The following TMEM132D variants were observed in gnomAD, a reference collection of about 807,000 sequenced individuals.
The protein encoded by TMEM132D is transmembrane protein 132D, also known as mature OL transmembrane protein.
A neutral mutation model predicts 62.3 loss-of-function variants in TMEM132D; 21 were observed. The observed-to-expected ratio is 0.34, with a 90% confidence interval of 0.24 to 0.49. The LOEUF is 0.49. Among genes scored for constraint, TMEM132D ranks in the 20% least tolerant of loss-of-function variants. TMEM132D has a pLI of 0.99. For missense variants in TMEM132D, 1,346 were observed against 1,402.8 expected, an observed-to-expected ratio of 0.96 and a Z score of 0.65; for synonymous variants, 621 against 575.6, an observed-to-expected ratio of 1.08 and a Z score of -1.13.
At chr12:129,617,973 T>C (rs1319231624) in intron 2 of TMEM132D, among the ~76,000 whole-genome samples, 2 of 152,202 alleles carry the variant, frequency 1.3e-5, no homozygotes, top group Non-Finnish European at 2.9e-5. Flanking sequence ...TGGTACCTCG[T>C]AGCTCTGTGG....
intron 3 of TMEM132D, among the ~76,000 whole-genome samples, chr12:129,512,428 C>G (rs917975522): frequency 6.6e-6 from 1 of 152,090 alleles, no homozygotes; most frequent in African/African-American, 2.4e-5. Context: ...AGAGACGAGC[C>G]CTTCTTAGAA....
At chr12:129,471,407 G>A (rs897231905) in intron 3 of TMEM132D, among the ~76,000 whole-genome samples, 11 of 151,810 alleles carry the variant, frequency 7.2e-5, no homozygotes, top group Non-Finnish European at 1.3e-4. Context: ...ATTCTTTGGG[G>A]GCACTATGAA....
intron 1 of TMEM132D, among the ~76,000 whole-genome samples, chr12:129,750,807 TTGAAGTA>T: frequency 6.6e-6 from 1 of 152,074 alleles, no homozygotes; most frequent in Non-Finnish European, 1.5e-5. Flanking sequence ...AATGTATATT[TTGAAGTA>T]GCTAGAAGAG....
At chr12:129,229,373 C>A (rs1261243176) in intron 4 of TMEM132D, among the ~76,000 whole-genome samples, 4 of 152,314 alleles carry the variant, frequency 2.6e-5, no homozygotes, top group Non-Finnish European at 4.4e-5. Flanking sequence ...ACGTACACTT[C>A]ATTTATAGCT....
At chr12:129,522,797 T>C (rs1199793292) in intron 3 of TMEM132D, 1 of 152,090 alleles carries the variant, frequency 6.6e-6, no homozygotes, top group Non-Finnish European at 1.5e-5. Context: ...TATATATTAC[T>C]AATACATATG....
At chr12:129,401,851 T>C (rs1290004620) in intron 3 of TMEM132D, among the ~76,000 whole-genome samples, 1 of 152,130 alleles carries the variant, frequency 6.6e-6, no homozygotes, top group African/African-American at 2.4e-5. Flanking sequence ...CCCTGTACTC[T>C]GGAGGTGTTC....
intron 3 of TMEM132D, among the ~76,000 whole-genome samples, chr12:129,456,201 T>C (rs1484583126): frequency 6.6e-6 from 1 of 152,222 alleles, no homozygotes; most frequent in Non-Finnish European, 1.5e-5. Context: ...CATTTCTGAA[T>C]GTCTAAACTA....
intron 2 of TMEM132D, among the ~76,000 whole-genome samples, chr12:129,575,709 G>A (rs1423766146): frequency 6.7e-6 from 1 of 149,972 alleles, no homozygotes; most frequent in East Asian, 1.9e-4. Context: ...AATGAAACCT[G>A]TAGATTTGTG....
At chr12:129,274,780 A>G (rs546749626) in intron 4 of TMEM132D, among the ~76,000 whole-genome samples, 55 of 152,232 alleles carry the variant, frequency 3.6e-4, no homozygotes, top group Non-Finnish European at 7.1e-4. Context: ...CCAGCTACTC[A>G]GGAGGCTGAG....
At chr12:129,714,461 A>G (rs955595031) in intron 1 of TMEM132D, among the ~76,000 whole-genome samples, 2 of 152,164 alleles carry the variant, frequency 1.3e-5, no homozygotes, top group African/African-American at 4.8e-5. Flanking sequence ...GGGTTTGAAC[A>G]ACACAGGTGG....
At chr12:129,405,974 A>G (rs1028721422) in intron 3 of TMEM132D, among the ~76,000 whole-genome samples, 3 of 152,204 alleles carry the variant, frequency 2.0e-5, no homozygotes, top group African/African-American at 7.2e-5. Flanking sequence ...AATCAATTAA[A>G]TCCCTCAAAC....
intron 3 of TMEM132D, among the ~76,000 whole-genome samples, chr12:129,435,049 G>T (rs563899367): frequency 6.6e-6 from 1 of 152,124 alleles, no homozygotes; most frequent in Non-Finnish European, 1.5e-5. Context: ...TTCCACACAG[G>T]CGTGCGAATG....
chr12:129,788,974 A>C (rs1207597338), intron 1 of TMEM132D, among the ~76,000 whole-genome samples: 1 of 152,200 alleles, frequency 6.6e-6, no homozygotes, highest in East Asian at 1.9e-4. Context: ...GAGGAACAGC[A>C]GCGCATGTGC....
At chr12:129,430,584 G>A (rs1214992404) in intron 3 of TMEM132D, among the ~76,000 whole-genome samples, 2 of 152,056 alleles carry the variant, frequency 1.3e-5, no homozygotes, top group Non-Finnish European at 2.9e-5. Context: ...TTACAGGATT[G>A]AGCCACCACA....
At chr12:129,592,608 A>C (rs1387445510) in intron 2 of TMEM132D, among the ~76,000 whole-genome samples, 1 of 152,234 alleles carries the variant, frequency 6.6e-6, no homozygotes, top group Non-Finnish European at 1.5e-5. Flanking sequence ...TGGTTAAATA[A>C]ATCACAGTAC....
chr12:129,540,616 G>T (rs1876558704), intron 2 of TMEM132D, among the ~76,000 whole-genome samples: 1 of 152,018 alleles, frequency 6.6e-6, no homozygotes, highest in Non-Finnish European at 1.5e-5. Context: ...CTCCTGAGTA[G>T]CTGGGATTAC....
intron 5 of TMEM132D, among the ~76,000 whole-genome samples, chr12:129,093,289 C>T (rs549758010): frequency 7.2e-5 from 11 of 152,208 alleles, no homozygotes; most frequent in Admixed American, 1.3e-4. Context: ...AAAACCCCAT[C>T]GTCTCAGCCC....
At chr12:129,397,562 A>G (rs1388205957) in intron 3 of TMEM132D, among the ~76,000 whole-genome samples, 1 of 152,174 alleles carries the variant, frequency 6.6e-6, no homozygotes, top group African/African-American at 2.4e-5. Context: ...TGGATGGAAG[A>G]CAAGCAGAGA....
At chr12:129,334,393 G>T (rs958311085) in intron 4 of TMEM132D, among the ~76,000 whole-genome samples, 1 of 152,126 alleles carries the variant, frequency 6.6e-6, no homozygotes, top group Non-Finnish European at 1.5e-5. Context: ...AAGATAGAAT[G>T]AACAAAAGCA....
Sources: allele counts gnomAD v4.1 joint callset (sites outside exome capture counted in the v4.1 genomes callset), GRCh38; gene constraint gnomAD v4.1.1; transcripts MANE v1.5; gene names NCBI Gene and HGNC (gene_info 2026-07-23, HGNC 2026-07-21).